XRCC5: variants seen among roughly 807,000 people sequenced by gnomAD.
XRCC5 encodes the protein X-ray repair cross complementing 5.
Under a neutral mutation model 95.7 loss-of-function variants are expected in XRCC5, and 12 were observed. The observed-to-expected ratio is 0.13, with a 90% CI of 0.08 to 0.20. XRCC5 has a LOEUF of 0.20. Among genes scored for constraint, XRCC5 ranks in the 10% least tolerant of loss-of-function variants. The pLI is 1.00. For missense variants in XRCC5, 595 were observed against 873.9 expected, an observed-to-expected ratio of 0.68 and a Z score of 4.02; for synonymous variants, 281 against 290.3, an observed-to-expected ratio of 0.97 and a Z score of 0.33.
intron 3 of XRCC5, 52 bp downstream of exon 3, chr2:216,116,894 A>C: frequency 6.3e-7 from 1 of 1,588,386 alleles, no homozygotes. Context: ...TATTCTGGGA[A>C]TCGTACAGCA....
chr2:216,135,712 T>TCAGC (rs1204571669), intron 10 of XRCC5, among the ~76,000 whole-genome samples: 7 of 151,736 alleles, frequency 4.6e-5, no homozygotes. Flanking sequence ...GGCACAAACA[T>TCAGC]TGCTTGAACG....
chr2:216,166,260 T>A (rs902734114), intron 16 of XRCC5, among the ~76,000 whole-genome samples: 8 of 152,118 alleles, frequency 5.3e-5, no homozygotes, highest in Admixed American at 2.6e-4. Context: ...TACCTGGAGC[T>A]ACAGGCACAC....
chr2:216,156,469 A>G (rs1688844513), intron 14 of XRCC5: 3 of 682,492 alleles, frequency 4.4e-6, no homozygotes, highest in Non-Finnish European at 5.6e-6. Context: ...GGTCAGATCT[A>G]CATAAGCCTC....
At position 216,204,586 on chromosome 2, in the gene XRCC5, T is replaced by A. The variant is rs41296829; in HGVS notation, c.2184+190T>A. ...CAGATAGGTAATTTCATAATAGAAA[T>A]TCCTGTGTTTCATGGTGTCGGCTAT... On this transcript the variant is annotated intron_variant, in intron 20 of 20. Coordinates refer to ENST00000392132, the MANE Select transcript of XRCC5 (RefSeq NM_021141.4). Among the ~76,000 whole-genome samples the A allele has an allele frequency of 4.7e-3, 716 of 152,346 alleles. 5 individuals are homozygous for A. Among genetic ancestry groups the A allele is most frequent in the African/African-American group, 0.016 (681 of 41,578 alleles).
At chr2:216,138,507 G>A (rs1488578308) in intron 12 of XRCC5, among the ~76,000 whole-genome samples, 2 of 152,224 alleles carry the variant, frequency 1.3e-5, no homozygotes, top group African/African-American at 4.8e-5. Flanking sequence ...TATCAAACCT[G>A]TGACTTTAGT....
chr2:216,175,819 T>A (rs541717670), intron 16 of XRCC5: 1 of 437,408 alleles, frequency 2.3e-6, no homozygotes, highest in South Asian at 1.8e-5. Context: ...TTGCTTGGGG[T>A]TCTGTCATTA....
In XRCC5 at chr2:216,122,251, C is replaced by T. The variant is rs138943486; in HGVS notation, c.681C>T (p.Phe227=). The T allele has an allele frequency of 8.1e-6, 13 of 1,605,896 alleles. No individual in the cohort carries two copies. Among genetic ancestry groups the T allele is most frequent in the South Asian group, 2.2e-5 (2 of 90,728 alleles). ...GEDGLDEIYS[F]SESLRKLCVF... is the part of the protein sequence containing the mutation. Reference sequence around the variant, plus strand: ...ATGGGTTGGATGAAATTTATTCATTCAGGTAAGAATTGAAAACATTGATGG... The same window carrying T: ...ATGGGTTGGATGAAATTTATTCATTTAGGTAAGAATTGAAAACATTGATGG... The change falls in exon 6 of 21, where the codon TTC becomes TTT. Residue 227 remains phenylalanine, a splice_region_variant and synonymous_variant. Transcript: ENST00000392132.
chr2:216,174,927 AC>A (rs1689244097), intron 16 of XRCC5: 1 of 352,158 alleles, frequency 2.8e-6, no homozygotes, highest in African/African-American at 2.2e-5. Flanking sequence ...CGTCACGTCT[AC>A]CGCCAGATCC....
intron 6 of XRCC5, among the ~76,000 whole-genome samples, chr2:216,125,473 A>G (rs1696886905): frequency 6.6e-6 from 1 of 152,204 alleles, no homozygotes; most frequent in Non-Finnish European, 1.5e-5. Flanking sequence ...CTAGGATTAC[A>G]GGTGTAAGTC....
chr2:216,137,177 T>C lies in XRCC5; in HGVS notation c.1203T>C (p.Ala401=), dbSNP rs757801761. 8.1e-6 allele frequency: 13 copies of C among 1,613,686 alleles called. 1 individual carries two copies. Among genetic ancestry groups the C allele is most frequent in the Middle Eastern group, 3.3e-4 (2 of 6,084 alleles). ...TTCGATATGCTTATGACAAAAGAGC[T>C]AATCCTCAAGTCGGCGTGGCTTTTC... ...AIVRYAYDKR[A]NPQVGVAFPH... Residue 401 remains alanine, a synonymous_variant, in exon 11 of 21, where the codon GCT becomes GCC. Transcript: ENST00000392132.
chr2:216,157,122 G>T (rs962402377), intron 14 of XRCC5, among the ~76,000 whole-genome samples: 1 of 152,042 alleles, frequency 6.6e-6, no homozygotes, highest in Admixed American at 6.6e-5. Flanking sequence ...CTTTCCTCAC[G>T]TTTTTTAATG....
intron 14 of XRCC5, among the ~76,000 whole-genome samples, chr2:216,148,870 G>C (rs1209143097): frequency 6.6e-6 from 1 of 152,110 alleles, no homozygotes; most frequent in Non-Finnish European, 1.5e-5. Flanking sequence ...TCCCTCTTCT[G>C]TTCACAATCT....
At chr2:216,174,771 T>C (rs1689239566) in intron 16 of XRCC5, 1 of 185,716 alleles carries the variant, frequency 5.4e-6, no homozygotes, top group South Asian at 1.0e-4. Flanking sequence ...CACCATTCCT[T>C]CTGTGGCAGA....
At chr2:216,174,318 G>A (rs1035906832) in intron 16 of XRCC5, among the ~76,000 whole-genome samples, 3 of 152,150 alleles carry the variant, frequency 2.0e-5, no homozygotes, top group Non-Finnish European at 4.4e-5. Flanking sequence ...GCCCATTCAT[G>A]TCATGGTTTG....
chr2:216,203,063 G>T (rs1038375966), intron 19 of XRCC5, among the ~76,000 whole-genome samples: 2 of 152,204 alleles, frequency 1.3e-5, no homozygotes, highest in Admixed American at 1.3e-4. Flanking sequence ...TAACAGGAAT[G>T]TAGAGAATGG....
chr2:216,186,971 T>C (rs1689504021), intron 16 of XRCC5, among the ~76,000 whole-genome samples: 1 of 152,200 alleles, frequency 6.6e-6, no homozygotes, highest in African/African-American at 2.4e-5. Flanking sequence ...GGAAGTCTCT[T>C]GTTTACATCC....
chr2:216,166,736 G>T (rs1293471433), intron 16 of XRCC5, among the ~76,000 whole-genome samples: 1 of 152,168 alleles, frequency 6.6e-6, no homozygotes, highest in Non-Finnish European at 1.5e-5. Flanking sequence ...TAGACAGCAG[G>T]TTCAAGAAGG....
chr2:216,132,498 G>A (rs1269488722), intron 10 of XRCC5, 111 bp downstream of exon 10: 7 of 1,084,320 alleles, frequency 6.5e-6, no homozygotes, highest in South Asian at 1.3e-5. Context: ...TCTTGCAATA[G>A]GAGTGGGGAA....
chr2:216,109,542 G>A lies in XRCC5; in HGVS notation c.21+85G>A, dbSNP rs372678053. 1.8e-4 allele frequency: 286 copies of A among 1,580,172 alleles called. 3 individuals carry two copies. Among genetic ancestry groups the A allele is most frequent in the South Asian group, 1.2e-3 (106 of 88,222 alleles). ...CGGAAGCAGGAATCGTGGGATCGCG[G>A]TCAAGACAAAGAATGGGGCAAGAGA... On this transcript the variant is annotated intron_variant, in intron 1 of 20. Transcript: ENST00000392132.
Sources: gnomAD v4.1 joint callset for allele counts (sites outside exome capture counted in the v4.1 genomes callset) on GRCh38, gnomAD v4.1.1 for gene constraint, MANE v1.5 for transcripts, NCBI Gene and HGNC (gene_info 2026-07-23, HGNC 2026-07-21) for gene names.